BMPR2: variants seen among roughly 807,000 people sequenced by gnomAD.
The protein encoded by BMPR2 is bone morphogenetic protein receptor type-2.
Under a neutral mutation model 100.8 loss-of-function variants are expected in BMPR2, and 29 were observed. The ratio of observed to expected loss-of-function variants is 0.29; its 90% CI spans 0.21 to 0.39. The LOEUF (loss-of-function observed/expected upper bound fraction) is 0.39. BMPR2 is among the 10% of genes least tolerant of loss of function. The pLI, the probability that BMPR2 is intolerant of heterozygous loss-of-function variation, is 1.00. For missense variants in BMPR2, 1,011 were observed against 1,274.5 expected, an observed-to-expected ratio of 0.79 and a Z score of 3.15; for synonymous variants, 382 against 442.3, an observed-to-expected ratio of 0.86 and a Z score of 1.71.
chr2:202,484,042 T>G (rs1163266445), intron 3 of BMPR2, among the ~76,000 whole-genome samples: 1 of 152,206 alleles, frequency 6.6e-6, no homozygotes, highest in Non-Finnish European at 1.5e-5. Flanking sequence ...TGCAGTGAGG[T>G]GTGACTGCAC....
chr2:202,481,261 C>G (rs1559051422), intron 3 of BMPR2, among the ~76,000 whole-genome samples: 1 of 152,072 alleles, frequency 6.6e-6, no homozygotes, highest in Non-Finnish European at 1.5e-5. Context: ...TCACTGCAAC[C>G]TCCGCCTCCC....
chr2:202,514,432 G>C (rs941700447), intron 4 of BMPR2, among the ~76,000 whole-genome samples: 1 of 152,180 alleles, frequency 6.6e-6, no homozygotes. Context: ...CACTGCGTCC[G>C]GCCAATACAA....
intron 1 of BMPR2, among the ~76,000 whole-genome samples, chr2:202,380,966 T>TTTC: frequency 1.4e-5 from 1 of 71,370 alleles, no homozygotes; most frequent in Non-Finnish European, 2.9e-5. Flanking sequence ...TCTTTCTTTC[T>TTTC]TTTTTTTTTT....
At position 202,522,473 on chromosome 2, in the gene BMPR2, C is replaced by T. The variant is rs574406679; in HGVS notation, c.967+2272C>T. Among the ~76,000 whole-genome samples the T allele has an allele frequency of 5.9e-5, 9 of 151,776 alleles. No individual in the cohort carries two copies. The South Asian group carries it at 1.7e-3, about 28-fold the overall frequency. The stretch of plus-strand genomic sequence containing the variant: ...AATGAGCCGAGATCACGCCACTGCA[C>T]TCCAGCCTGGGTGACAGAGCGAGAC... On this transcript the variant is annotated intron_variant, in intron 7 of 12. Coordinates refer to ENST00000374580, the MANE Select transcript of BMPR2 (RefSeq NM_001204.7).
At chr2:202,432,056 TG>T (rs1691516504) in intron 1 of BMPR2, among the ~76,000 whole-genome samples, 1 of 150,592 alleles carries the variant, frequency 6.6e-6, no homozygotes, top group African/African-American at 2.5e-5. Context: ...AATGTGTGTT[TG>T]GGGTTGCCAT....
Position 202,382,782 on chromosome 2 carries a change from C to T in BMPR2, c.76+5232C>T, listed in dbSNP as rs368077270. Reference sequence around the variant, plus strand: ...ATGAGACCTAGATTCTATATGATTCCGGGCAAATAGGTTACTTAACATAGT... The same window carrying T: ...ATGAGACCTAGATTCTATATGATTCTGGGCAAATAGGTTACTTAACATAGT... On this transcript the variant is annotated intron_variant, in intron 1 of 12. Transcript: ENST00000374580. Among the ~76,000 whole-genome samples, 8 of 152,052 alleles carry T rather than the reference C, an allele frequency of 5.3e-5. No individual in the cohort carries two copies. In the East Asian group the frequency reaches 1.2e-3, roughly 22 times the overall value.
At chr2:202,468,502 T>G (rs975028638) in intron 3 of BMPR2, among the ~76,000 whole-genome samples, 3 of 152,190 alleles carry the variant, frequency 2.0e-5, no homozygotes, top group African/African-American at 7.2e-5. Context: ...CTTTACAACC[T>G]GTATGGAGGG....
chr2:202,381,684 G>A (rs1307669881), intron 1 of BMPR2, among the ~76,000 whole-genome samples: 3 of 152,126 alleles, frequency 2.0e-5, no homozygotes, highest in African/African-American at 7.2e-5. Flanking sequence ...GGTCCAGAAG[G>A]GAGGCTTTTC....
chr2:202,384,173 A>G (rs1210658971), intron 1 of BMPR2, among the ~76,000 whole-genome samples: 3 of 152,228 alleles, frequency 2.0e-5, no homozygotes, highest in Non-Finnish European at 4.4e-5. Context: ...CTCCATCTCA[A>G]AAAACAAAAC....
At chr2:202,386,468 C>G (rs1379305764) in intron 1 of BMPR2, among the ~76,000 whole-genome samples, 1 of 152,080 alleles carries the variant, frequency 6.6e-6, no homozygotes, top group African/African-American at 2.4e-5. Context: ...TTTTCACATT[C>G]TTATCCAATC....
intron 1 of BMPR2, among the ~76,000 whole-genome samples, chr2:202,448,807 G>A (rs554026377): frequency 4.0e-5 from 6 of 151,716 alleles, no homozygotes; most frequent in Non-Finnish European, 5.9e-5. Flanking sequence ...GCCTCTTAGA[G>A]GTTTAAGCGT....
chr2:202,458,613 TTAGAA>T (rs1282189093), intron 1 of BMPR2, among the ~76,000 whole-genome samples: 3 of 152,208 alleles, frequency 2.0e-5, no homozygotes, highest in African/African-American at 7.2e-5. Flanking sequence ...TAACAGATCT[TTAGAA>T]TAGATGATAA....
intron 3 of BMPR2, among the ~76,000 whole-genome samples, chr2:202,507,221 C>A (rs1012199583): frequency 2.0e-5 from 3 of 151,946 alleles, no homozygotes; most frequent in Admixed American, 2.0e-4. Context: ...TTTTCATATT[C>A]TACTTTTAAA....
chr2:202,400,556 A>G lies in BMPR2; in HGVS notation c.76+23006A>G, dbSNP rs529010671. 5.8e-4 allele frequency among the ~76,000 whole-genome samples: 89 copies of G among 152,306 alleles called. 1 individual carries two copies. Among genetic ancestry groups the G allele is most frequent in the African/African-American group, 2.1e-3 (87 of 41,588 alleles). The stretch of plus-strand genomic sequence containing the variant: ...ACTAAATTCTTTTAAAAGTACTGGT[A>G]GAGGAAGTAGTCTTAGAGTTTAGTA... On this transcript the variant is annotated intron_variant, in intron 1 of 12. Transcript: ENST00000374580.
intron 1 of BMPR2, among the ~76,000 whole-genome samples, chr2:202,428,051 C>G (rs1453144284): frequency 6.6e-6 from 1 of 152,128 alleles, no homozygotes; most frequent in Non-Finnish European, 1.5e-5. Context: ...ATTCCTATTA[C>G]AGTTCCGCAT....
intron 3 of BMPR2, chr2:202,469,591 G>C (rs772930130): frequency 4.8e-6 from 1 of 207,626 alleles, no homozygotes. Context: ...GTGATCTCCT[G>C]TCTCAGCCTC....
At chr2:202,490,904 G>GT (rs1559054194) in intron 3 of BMPR2, among the ~76,000 whole-genome samples, 5 of 152,112 alleles carry the variant, frequency 3.3e-5, no homozygotes, top group Middle Eastern at 3.4e-3. Context: ...TCTGAGCAAT[G>GT]TTTTTTTGTT....
chr2:202,419,978 G>A (rs6732066), intron 1 of BMPR2, among the ~76,000 whole-genome samples: 76,286 of 151,834 alleles, frequency 0.5, 19,747 homozygotes, highest in African/African-American at 0.61. Flanking sequence ...GTGAGACCTC[G>A]TATCTATTTT....
At chr2:202,425,516 A>T (rs1473402521) in intron 1 of BMPR2, among the ~76,000 whole-genome samples, 3 of 152,214 alleles carry the variant, frequency 2.0e-5, no homozygotes, top group African/African-American at 4.8e-5. Context: ...AGTTCACTAT[A>T]TAGAAAAATC....
Sources: gnomAD v4.1 joint callset for allele counts (sites outside exome capture counted in the v4.1 genomes callset) on GRCh38, gnomAD v4.1.1 for gene constraint, MANE v1.5 for transcripts, NCBI Gene and HGNC (gene_info 2026-07-23, HGNC 2026-07-21) for gene names.